STPG2: variants seen among roughly 807,000 people sequenced by gnomAD.
The protein encoded by STPG2 is sperm-tail PG-rich repeat-containing protein 2.
Under a neutral mutation model 54.2 loss-of-function variants are expected in STPG2, and 56 were observed. That is an observed-to-expected ratio of 1.03 (90% confidence interval 0.83 to 1.29). The LOEUF (loss-of-function observed/expected upper bound fraction) is 1.29, where lower values mean the gene tolerates loss of function less well. Among genes scored for constraint, STPG2 ranks in the 50% most tolerant of loss-of-function variants. The probability of loss-of-function intolerance (pLI) is 0.00; values close to 1 mark genes in which losing one functional copy is unlikely to be tolerated. For synonymous variants in STPG2, 200 were observed against 181.8 expected (o/e 1.10, Z -0.81); for missense variants, 596 against 544.9 (o/e 1.09, Z -0.93).
At chr4:97,981,021 CT>C in intron 6 of STPG2, 137 bp downstream of exon 6, 1 of 806,292 alleles carries the variant, frequency 1.2e-6, no homozygotes, top group Non-Finnish European at 1.9e-6. Context: ...ATAGTGAATG[CT>C]TTAAAAAATG....
At chr4:98,001,489 C>T (rs570859467) in intron 5 of STPG2, among the ~76,000 whole-genome samples, 1 of 152,024 alleles carries the variant, frequency 6.6e-6, no homozygotes, top group African/African-American at 2.4e-5. Context: ...GTCCAAATTC[C>T]TCTTTTTAAA....
At chr4:97,614,279 A>G (rs1200217110) in intron 10 of STPG2, among the ~76,000 whole-genome samples, 4 of 148,918 alleles carry the variant, frequency 2.7e-5, no homozygotes, top group African/African-American at 5.0e-5. Flanking sequence ...CTGAAGAAAA[A>G]TATGTGCCCT....
At chr4:97,608,441 C>T (rs932145029) in intron 10 of STPG2, among the ~76,000 whole-genome samples, 2 of 152,030 alleles carry the variant, frequency 1.3e-5, no homozygotes, top group Non-Finnish European at 2.9e-5. Context: ...ATCGCTGCAT[C>T]CTTGCTGTAC....
intron 5 of STPG2, among the ~76,000 whole-genome samples, chr4:98,099,569 G>A (rs984698489): frequency 7.9e-5 from 12 of 152,104 alleles, no homozygotes; most frequent in African/African-American, 2.9e-4. Flanking sequence ...GCACAATAGG[G>A]TGATTAGAGT....
intron 10 of STPG2, among the ~76,000 whole-genome samples, chr4:97,708,849 G>A (rs971780457): frequency 1.3e-4 from 19 of 150,850 alleles, no homozygotes; most frequent in Non-Finnish European, 5.9e-5. Flanking sequence ...CCAGAATGAG[G>A]GTTTTAGACA....
intron 9 of STPG2, among the ~76,000 whole-genome samples, chr4:97,746,867 T>A (rs923889778): frequency 1.3e-5 from 2 of 151,306 alleles, no homozygotes; most frequent in Non-Finnish European, 3.0e-5. Flanking sequence ...TTACAGTGTC[T>A]ATTGCTATAT....
At chr4:97,638,170 A>G (rs1390903615) in intron 10 of STPG2, among the ~76,000 whole-genome samples, 1 of 152,188 alleles carries the variant, frequency 6.6e-6, no homozygotes, top group Non-Finnish European at 1.5e-5. Context: ...AACAGAACAG[A>G]GCCCTCAGAA....
At chr4:97,948,040 T>TC (rs1273110108) in intron 7 of STPG2, among the ~76,000 whole-genome samples, 1 of 151,724 alleles carries the variant, frequency 6.6e-6, no homozygotes, top group African/African-American at 2.4e-5. Flanking sequence ...ATCCTGGGCT[T>TC]TTTTCTTTGT....
chr4:97,929,468 G>A (rs565311923), intron 8 of STPG2, among the ~76,000 whole-genome samples: 8 of 152,034 alleles, frequency 5.3e-5, no homozygotes, highest in Non-Finnish European at 8.8e-5. Context: ...TTCTACAATG[G>A]TTGAACTAGT....
At chr4:98,136,999 G>A (rs1395240132) in intron 1 of STPG2, among the ~76,000 whole-genome samples, 7 of 151,644 alleles carry the variant, frequency 4.6e-5, no homozygotes, top group South Asian at 2.1e-4. Flanking sequence ...ATTAAAACCC[G>A]AAGATACTGA....
intron 9 of STPG2, among the ~76,000 whole-genome samples, chr4:97,775,282 CAG>C (rs1189158943): frequency 2.0e-5 from 3 of 152,042 alleles, no homozygotes; most frequent in Non-Finnish European, 4.4e-5. Context: ...AGGATAAAAA[CAG>C]AGGCTACACG....
intron 8 of STPG2, among the ~76,000 whole-genome samples, chr4:97,915,847 TAGTC>T (rs1007118837): frequency 2.6e-5 from 4 of 152,050 alleles, no homozygotes; most frequent in South Asian, 4.1e-4. Flanking sequence ...AGATGGGACA[TAGTC>T]AGAGCTATGC....
chr4:97,910,161 G>C (rs964003779), intron 8 of STPG2, among the ~76,000 whole-genome samples: 1 of 152,134 alleles, frequency 6.6e-6, no homozygotes, highest in Non-Finnish European at 1.5e-5. Flanking sequence ...CCTAGGTACT[G>C]TACTAACAAG....
At chr4:97,897,007 G>A (rs1017102550) in intron 8 of STPG2, among the ~76,000 whole-genome samples, 1 of 151,786 alleles carries the variant, frequency 6.6e-6, no homozygotes, top group Non-Finnish European at 1.5e-5. Flanking sequence ...CATCACCCAG[G>A]TATTAAGCCT....
intron 5 of STPG2, among the ~76,000 whole-genome samples, chr4:98,056,839 C>A (rs1395313648): frequency 1.4e-4 from 21 of 152,030 alleles, no homozygotes; most frequent in African/African-American, 5.1e-4. Context: ...GTAGCACTTG[C>A]CTCTTTACTC....
chr4:97,842,970 A>G lies in STPG2; in HGVS notation c.1045-2038T>C, dbSNP rs572580446. Among the ~76,000 whole-genome samples, 6 of 152,036 alleles carry G rather than the reference A, an allele frequency of 3.9e-5. No homozygotes were observed. The South Asian group carries it at 8.3e-4, about 21-fold the overall frequency. On this transcript the variant is annotated intron_variant, in intron 8 of 10. Coordinates refer to ENST00000295268, the MANE Select transcript of STPG2 (RefSeq NM_174952.3). ...TCCTAAGCTGATGATTAATAGGACA[A>G]ATCTGAAACTCTGTCTAATAACAAT...
chr4:97,532,258 T>G (rs1235857237), intron 4 of STPG2, among the ~76,000 whole-genome samples: 1 of 152,136 alleles, frequency 6.6e-6, no homozygotes, highest in Non-Finnish European at 1.5e-5. Context: ...ATGTTTTATA[T>G]ACTTCAGATT....
intron 3 of STPG2, among the ~76,000 whole-genome samples, chr4:98,114,753 ATTT>A (rs33980852): frequency 0.058 from 8,526 of 145,924 alleles, 603 homozygotes; most frequent in African/African-American, 0.17. Flanking sequence ...AATAATATCC[ATTT>A]TTTTTTTTTT....
rs1184745163 is a variant in STPG2 at position 97,861,389 on chromosome 4, TG to T, written c.1045-20458del. The stretch of plus-strand genomic sequence containing the variant: ...AGAAAAGGGAGCCTTTGGCCACTGT[TG>T]GTGGGAATGTAAATTAGTACAACCA... On this transcript the variant is annotated intron_variant, in intron 8 of 10. Coordinates refer to ENST00000295268, the MANE Select transcript of STPG2 (RefSeq NM_174952.3). 9.8e-5 allele frequency among the ~76,000 whole-genome samples: 15 copies of T among 152,286 alleles called. No individual in the cohort carries two copies. The East Asian group carries it at 2.9e-3, about 29-fold the overall frequency.
Sources: allele counts gnomAD v4.1 joint callset (sites outside exome capture counted in the v4.1 genomes callset), GRCh38; gene constraint gnomAD v4.1.1; transcripts MANE v1.5; gene names NCBI Gene and HGNC (gene_info 2026-07-23, HGNC 2026-07-21).